The following AGBL4 variants were observed in gnomAD, a reference collection of about 807,000 sequenced individuals.
The protein encoded by AGBL4 is cytosolic carboxypeptidase 6.
AGBL4 carries 58 observed loss-of-function variants against 66.4 expected under a neutral mutation model. The observed-to-expected ratio is 0.87, with a 90% confidence interval of 0.71 to 1.09. AGBL4 has a LOEUF of 1.09. Ranked by LOEUF, AGBL4 falls within the 50% of genes least tolerant of loss-of-function variation. The pLI is 0.00. For synonymous variants in AGBL4, 234 were observed against 222.9 expected (o/e 1.05, Z -0.44); for missense variants, 579 against 631.0 (o/e 0.92, Z 0.88).
chr1:49,385,309 A>T (rs1644714331), intron 3 of AGBL4, among the ~76,000 whole-genome samples: 1 of 152,126 alleles, frequency 6.6e-6, no homozygotes. Flanking sequence ...GTGTTTTTTT[A>T]CTACCATAAT....
chr1:48,861,704 T>C (rs564675589), intron 6 of AGBL4, among the ~76,000 whole-genome samples: 62 of 152,282 alleles, frequency 4.1e-4, no homozygotes, highest in Admixed American at 1.2e-3. Context: ...GCAACAACTA[T>C]CATCTATAAG....
intron 4 of AGBL4, among the ~76,000 whole-genome samples, chr1:49,158,516 T>C (rs1646478400): frequency 6.6e-6 from 1 of 152,150 alleles, no homozygotes; most frequent in Non-Finnish European, 1.5e-5. Context: ...ATAAGTGCCA[T>C]GTAGTGCTGA....
chr1:49,189,607 G>A (rs1467303201), intron 4 of AGBL4, among the ~76,000 whole-genome samples: 1 of 152,024 alleles, frequency 6.6e-6, no homozygotes, highest in Non-Finnish European at 1.5e-5. Context: ...TATCCTATTT[G>A]GTCATCAGTT....
At chr1:49,270,236 T>C (rs1341109249) in intron 3 of AGBL4, among the ~76,000 whole-genome samples, 1 of 152,202 alleles carries the variant, frequency 6.6e-6, no homozygotes, top group African/African-American at 2.4e-5. Flanking sequence ...TGTGCTATTC[T>C]GTCATAAAGA....
rs1010024426 is a variant in AGBL4, at chr1:48,694,576, A to G, written c.635-31335T>C. Among the ~76,000 whole-genome samples, 8 of 152,294 alleles carry G rather than the reference A, an allele frequency of 5.3e-5. No individual in the cohort carries two copies. The South Asian group carries it at 1.7e-3, about 32-fold the overall frequency. On this transcript the variant is annotated intron_variant, in intron 6 of 13. Coordinates refer to ENST00000371839, the MANE Select transcript of AGBL4 (RefSeq NM_032785.4). ...TGACTGGGGGCTCTAGTTTCCTGCA[A>G]TGGTCCTTTCATGTTTCTGAGACTA... is the stretch of plus-strand genomic sequence containing the variant.
intron 4 of AGBL4, among the ~76,000 whole-genome samples, chr1:49,128,961 C>T (rs985014285): frequency 6.6e-5 from 10 of 151,536 alleles, no homozygotes; most frequent in East Asian, 1.9e-4. Flanking sequence ...AAATCATATA[C>T]GTGATAAAAG....
At chr1:48,776,571 C>A (rs754849903) in intron 6 of AGBL4, 1 of 1,363,746 alleles carries the variant, frequency 7.3e-7, no homozygotes, top group Non-Finnish European at 9.5e-7. Context: ...AGCCCCCGCC[C>A]GGGTCCCACC....
At chr1:49,713,538 C>T (rs1647836626) in intron 2 of AGBL4, among the ~76,000 whole-genome samples, 1 of 151,650 alleles carries the variant, frequency 6.6e-6, no homozygotes, top group Non-Finnish European at 1.5e-5. Context: ...TAAACTAATC[C>T]AAGCAAATTG....
chr1:48,801,182 C>G (rs997760382), intron 6 of AGBL4, among the ~76,000 whole-genome samples: 4 of 152,168 alleles, frequency 2.6e-5, no homozygotes, highest in African/African-American at 9.7e-5. Flanking sequence ...CTAACAGCAG[C>G]ACCAAATTTA....
intron 2 of AGBL4, among the ~76,000 whole-genome samples, chr1:49,735,104 A>C (rs1008587215): frequency 4.6e-5 from 7 of 152,136 alleles, no homozygotes; most frequent in Non-Finnish European, 8.8e-5. Flanking sequence ...ATATTGTAGT[A>C]GGTAGAATAA....
At chr1:49,223,861 G>T (rs1317665191) in intron 4 of AGBL4, among the ~76,000 whole-genome samples, 1 of 152,118 alleles carries the variant, frequency 6.6e-6, no homozygotes, top group East Asian at 1.9e-4. Flanking sequence ...CTTGATGTCT[G>T]CCCATTGATT....
chr1:49,400,952 T>C (rs1403470844), intron 3 of AGBL4, among the ~76,000 whole-genome samples: 1 of 152,196 alleles, frequency 6.6e-6, no homozygotes, highest in Admixed American at 6.5e-5. Flanking sequence ...GGGTCTGTCA[T>C]ATATGGGTTT....
At chr1:49,694,155 G>C (rs964864936) in intron 3 of AGBL4, among the ~76,000 whole-genome samples, 3 of 151,488 alleles carry the variant, frequency 2.0e-5, no homozygotes, top group Non-Finnish European at 4.4e-5. Context: ...ATGTTTTTTT[G>C]CCTGCTAGTA....
At chr1:49,759,253 A>T (rs1652125199) in intron 2 of AGBL4, among the ~76,000 whole-genome samples, 1 of 152,200 alleles carries the variant, frequency 6.6e-6, no homozygotes, top group Non-Finnish European at 1.5e-5. Context: ...GTGATAAAAA[A>T]TGGCTCTTTA....
At chr1:48,735,378 G>A (rs1162265071) in intron 6 of AGBL4, among the ~76,000 whole-genome samples, 1 of 151,968 alleles carries the variant, frequency 6.6e-6, no homozygotes, top group Non-Finnish European at 1.5e-5. Context: ...GCAAAGAATG[G>A]ATGGATGGAG....
chr1:49,938,009 A>T (rs1406115730), intron 1 of AGBL4, among the ~76,000 whole-genome samples: 2 of 150,396 alleles, frequency 1.3e-5, no homozygotes, highest in Non-Finnish European at 2.9e-5. Flanking sequence ...GCAGAACTGA[A>T]GAAAATAGAG....
chr1:48,585,128 G>A (rs144698871), intron 11 of AGBL4: 3 of 152,148 alleles, frequency 2.0e-5, no homozygotes, highest in Non-Finnish European at 2.9e-5. Context: ...GCTGTTGAGG[G>A]GTGGAAACCT....
intron 3 of AGBL4, among the ~76,000 whole-genome samples, chr1:49,335,738 A>C (rs1231141244): frequency 6.6e-6 from 1 of 152,096 alleles, no homozygotes; most frequent in Non-Finnish European, 1.5e-5. Flanking sequence ...GATGGTCTCA[A>C]TCTCCTGACC....
At chr1:48,779,704 C>CTTTTTTTTTTTTTTTTTTTTTTTTTTT (rs200375125) in intron 6 of AGBL4, among the ~76,000 whole-genome samples, 2 of 137,182 alleles carry the variant, frequency 1.5e-5, no homozygotes, top group Non-Finnish European at 1.6e-5. Context: ...CTGTTCCTCT[C>CTTTTTTTTTTTTTTTTTTTTTTTTTTT]TTTTTTTTTT....
Sources: allele counts gnomAD v4.1 joint callset (sites outside exome capture counted in the v4.1 genomes callset), GRCh38; gene constraint gnomAD v4.1.1; transcripts MANE v1.5; gene names NCBI Gene and HGNC (gene_info 2026-07-23, HGNC 2026-07-21).